Variants in ZNF529 observed in about 807,000 individuals in gnomAD.
The protein encoded by ZNF529 is zinc finger protein 529.
ZNF529 carries 11 observed loss-of-function variants against 10.1 expected under a neutral mutation model. The ratio of observed to expected loss-of-function variants is 1.09; its 90% CI spans 0.69 to 1.81. The LOEUF is 1.81. Ranked by LOEUF, ZNF529 falls within the 40% of genes most tolerant of loss-of-function variation. The pLI is 0.00. For missense variants in ZNF529, 624 were observed against 666.8 expected (o/e 0.94, Z 0.71); for synonymous variants, 204 against 215.7 (o/e 0.95, Z 0.47).
Position 36,548,090 on chromosome 19 carries a change from T to G in ZNF529, c.468A>C (p.Glu156Asp). Residue 156 changes from glutamate (E) to aspartate (D), a missense_variant, in exon 5 of 5, where the codon GAA becomes GAC. Glu to Asp is a conservative substitution (Grantham distance 45). Coordinates refer to ENST00000591340, the MANE Select transcript of ZNF529 (RefSeq NM_020951.5). ...SENVPSYKTHESLTLPRRTHD... is the reference protein window; with the variant it reads ...SENVPSYKTHDSLTLPRRTHD... ...GAGTTCTCCGAGGTAAAGTAAGAGA[T>G]TCATGAGTTTTGTAACTGGGCACAT... The G allele has an allele frequency of 6.2e-7, 1 of 1,613,890 alleles. No individual in the cohort carries two copies. Among genetic ancestry groups the G allele is most frequent in the Non-Finnish European group, 8.5e-7 (1 of 1,179,846 alleles).
chr19:36,602,862 G>C (rs182925686), intron 1 of ZNF529, among the ~76,000 whole-genome samples: 18 of 151,574 alleles, frequency 1.2e-4, no homozygotes, highest in Admixed American at 3.9e-4. Context: ...CCCAGAAGGC[G>C]GAGGTTTCAG....
chr19:36,558,003 C>T (rs1002999490), intron 2 of ZNF529, among the ~76,000 whole-genome samples: 3 of 151,994 alleles, frequency 2.0e-5, no homozygotes, highest in African/African-American at 7.3e-5. Context: ...TAAAAATAAA[C>T]ATATGGAAAT....
intron 1 of ZNF529, among the ~76,000 whole-genome samples, chr19:36,603,978 G>A (rs1344289709): frequency 1.3e-5 from 2 of 152,124 alleles, no homozygotes; most frequent in East Asian, 3.9e-4. Flanking sequence ...TCAGGAGTTC[G>A]AGACCAGTCT....
chr19:36,554,723 C>T lies in ZNF529; in HGVS notation c.182G>A (p.Arg61Lys), dbSNP rs1212200530. 2.5e-6 allele frequency: 4 copies of T among 1,577,436 alleles called. No homozygotes were observed. The highest frequency in any genetic ancestry group is 2.6e-6 in the Non-Finnish European group (3 of 1,160,552). ...EEWEYLDSAQ[R>K]NLYWDVMMEN... is the part of the protein sequence containing the mutation. ...CATCATCACATCCCAGTACAAGTTC[C>T]TCTGAGCAGAATCCAGATATTCCCA... The change falls in exon 4 of 5, where the codon AGG becomes AAG. Residue 61 changes from arginine to lysine, a missense_variant. Coordinates refer to ENST00000591340, the MANE Select transcript of ZNF529 (RefSeq NM_020951.5).
chr19:36,575,899 A>G (rs2036304865), upstream of ZNF529, among the ~76,000 whole-genome samples: 1 of 151,614 alleles, frequency 6.6e-6, no homozygotes, highest in Non-Finnish European at 1.5e-5. Context: ...CCCAGGTGGG[A>G]GTGCAATGGC....
chr19:36,601,403 C>T (rs886367198), intron 1 of ZNF529, among the ~76,000 whole-genome samples: 2 of 152,020 alleles, frequency 1.3e-5, no homozygotes, highest in African/African-American at 4.8e-5. Flanking sequence ...TGCGCCCGGC[C>T]ACAAGTGTAA....
chr19:36,578,232 T>G (rs2036377725), upstream of ZNF529, among the ~76,000 whole-genome samples: 1 of 146,774 alleles, frequency 6.8e-6, no homozygotes, highest in South Asian at 2.2e-4. Context: ...ACGCAGCTAA[T>G]TTTTTGTATT....
At chr19:36,586,335 G>A (rs1285737983) in intron 2 of ZNF529, among the ~76,000 whole-genome samples, 5 of 152,094 alleles carry the variant, frequency 3.3e-5, no homozygotes, top group East Asian at 1.9e-4. Context: ...TGCCGGGCGC[G>A]GTGGCTCACC....
At chr19:36,556,402 T>G (rs1324973405) in intron 2 of ZNF529, among the ~76,000 whole-genome samples, 7 of 152,166 alleles carry the variant, frequency 4.6e-5, no homozygotes, top group Non-Finnish European at 8.8e-5. Context: ...CCAGACAGGA[T>G]AGCCAAGGGC....
intron 1 of ZNF529, among the ~76,000 whole-genome samples, chr19:36,602,128 AC>A (rs1407295723): frequency 6.6e-6 from 1 of 150,768 alleles, no homozygotes; most frequent in Non-Finnish European, 1.5e-5. Flanking sequence ...GCTCACTGCA[AC>A]CTCCGCCTCC....
intron 1 of ZNF529, among the ~76,000 whole-genome samples, chr19:36,599,879 C>A (rs76051502): frequency 7.0e-6 from 1 of 142,324 alleles, no homozygotes; most frequent in South Asian, 2.2e-4. Flanking sequence ...TTTTTTTTTT[C>A]TTTTTTTGAG....
At chr19:36,551,636 A>G (rs1012192374) in intron 4 of ZNF529, among the ~76,000 whole-genome samples, 7 of 152,248 alleles carry the variant, frequency 4.6e-5, no homozygotes. Flanking sequence ...ACCAAAGAAC[A>G]TGACAGCAAC....
rs746247177 is a variant in ZNF529 at position 36,572,335 on chromosome 19, T to C, written c.12A>G (p.Ser4=). The part of the protein sequence containing the change: MAN[S]SFIGDHVHGA... ...AATGAACAAAAAAAAAAACTAACCT[T>C]GAGTTGGCCATTAGTACCAATGCTG... The change falls in exon 2 of 5, where the codon TCA becomes TCG. Residue 4 remains serine (S), a splice_region_variant and synonymous_variant. Coordinates refer to ENST00000591340, the MANE Select transcript of ZNF529 (RefSeq NM_020951.5). 14 of 1,550,136 alleles carry C rather than the reference T, an allele frequency of 9.0e-6. No homozygotes were observed. The South Asian group carries it at 1.6e-4, about 17-fold the overall frequency.
At chr19:36,602,015 G>A (rs1460156781) in intron 1 of ZNF529, among the ~76,000 whole-genome samples, 1 of 151,478 alleles carries the variant, frequency 6.6e-6, no homozygotes, top group Non-Finnish European at 1.5e-5. Flanking sequence ...CAAAGTGCTG[G>A]GATTACAGGC....
intron 2 of ZNF529, among the ~76,000 whole-genome samples, chr19:36,562,023 G>T (rs1451288871): frequency 2.6e-5 from 4 of 152,096 alleles, no homozygotes; most frequent in African/African-American, 7.2e-5. Flanking sequence ...ATCATCTGAG[G>T]TGGGGAGTTC....
chr19:36,585,639 G>A (rs2036563422), intron 2 of ZNF529, among the ~76,000 whole-genome samples: 1 of 152,162 alleles, frequency 6.6e-6, no homozygotes, highest in Non-Finnish European at 1.5e-5. Context: ...AATAAAAGCT[G>A]GAAAATTGCT....
chr19:36,596,294 G>A (rs753933043), intron 1 of ZNF529, among the ~76,000 whole-genome samples: 1 of 151,588 alleles, frequency 6.6e-6, no homozygotes, highest in Non-Finnish European at 1.5e-5. Context: ...GGGTGGTCTC[G>A]AACTCCTGAC....
chr19:36,582,940 C>T (rs1309176181), intron 2 of ZNF529, among the ~76,000 whole-genome samples: 5 of 152,074 alleles, frequency 3.3e-5, no homozygotes, highest in Non-Finnish European at 7.4e-5. Context: ...ATATTATGAA[C>T]AATTTTATGC....
intron 2 of ZNF529, among the ~76,000 whole-genome samples, chr19:36,583,236 A>T (rs1321553660): frequency 6.6e-6 from 1 of 152,014 alleles, no homozygotes; most frequent in African/African-American, 2.4e-5. Context: ...TAAAAAAAAA[A>T]TTTAGAGACA....
Sources: allele counts gnomAD v4.1 joint callset (sites outside exome capture counted in the v4.1 genomes callset), GRCh38; gene constraint gnomAD v4.1.1; transcripts MANE v1.5; gene names NCBI Gene and HGNC (gene_info 2026-07-23, HGNC 2026-07-21).